The following RNF139 variants were observed in gnomAD, a reference collection of about 807,000 sequenced individuals.
RNF139 encodes the protein E3 ubiquitin-protein ligase RNF139.
In RNF139, 15 loss-of-function variants were observed where a neutral mutation model predicts 49.5. The ratio of observed to expected loss-of-function variants is 0.30; its 90% CI spans 0.20 to 0.47. The LOEUF (loss-of-function observed/expected upper bound fraction) is 0.47. RNF139 is among the 20% of genes least tolerant of loss of function. RNF139 has a pLI of 1.00. For synonymous variants in RNF139, 325 were observed against 300.9 expected (o/e 1.08, Z -0.83); for missense variants, 619 against 806.3 (o/e 0.77, Z 2.81).
At chr8:124,482,353 T>A (rs1019093709) in intron 1 of RNF139, among the ~76,000 whole-genome samples, 1 of 152,164 alleles carries the variant, frequency 6.6e-6, no homozygotes, top group African/African-American at 2.4e-5. Flanking sequence ...CATGAATAGT[T>A]ACTGAAGATT....
Position 124,486,443 on chromosome 8 carries a change from C to T in RNF139, c.794C>T (p.Ser265Phe), listed in dbSNP as rs1563632511. The T allele has an allele frequency of 4.3e-6, 7 of 1,613,986 alleles. No individual in the cohort carries two copies. Among genetic ancestry groups the T allele is most frequent in the Non-Finnish European group, 5.1e-6 (6 of 1,180,008 alleles). Reference sequence around the variant, plus strand: ...TTAAGGATGGCAAATGAAACTGATTCCTTCTTTATTTCTTGGGATGATTTT... The same window carrying T: ...TTAAGGATGGCAAATGAAACTGATTTCTTCTTTATTTCTTGGGATGATTTT... Reference protein sequence around the residue: ...YILRMANETDSFFISWDDFWD... With the variant: ...YILRMANETDFFFISWDDFWD... The change falls in exon 2 of 2, where the codon TCC (serine) becomes TTC (phenylalanine). Residue 265 changes from serine (S) to phenylalanine (F), a missense_variant. Around this residue, in one of 2 missense-constraint regions of RNF139, gnomAD observed 530 missense variants for 728.9 expected, o/e 0.73. Transcript: ENST00000303545.
intron 1 of RNF139, among the ~76,000 whole-genome samples, chr8:124,481,905 C>G (rs1254947831): frequency 6.6e-6 from 1 of 152,062 alleles, no homozygotes; most frequent in Admixed American, 6.5e-5. Flanking sequence ...AGACTTGTTA[C>G]TTAGGATATT....
At chr8:124,478,939 G>C (rs1213230762) in intron 1 of RNF139, among the ~76,000 whole-genome samples, 3 of 151,950 alleles carry the variant, frequency 2.0e-5, no homozygotes, top group Non-Finnish European at 1.5e-5. Context: ...TGGTCAGGCT[G>C]TTCTCCAACT....
intron 1 of RNF139, among the ~76,000 whole-genome samples, chr8:124,478,290 G>GAA (rs796337797): frequency 6.7e-6 from 1 of 149,380 alleles, no homozygotes; most frequent in African/African-American, 2.5e-5. Context: ...TTTTATGGGG[G>GAA]AAAAAAAAAA....
Position 124,475,035 on chromosome 8 carries a change from G to C in RNF139, c.-75G>C. The C allele has an allele frequency of 9.4e-7, 1 of 1,068,752 alleles. No individual in the cohort carries two copies. Among genetic ancestry groups the C allele is most frequent in the Non-Finnish European group, 1.2e-6 (1 of 844,752 alleles). The allele number at this position is 1,068,752 out of a possible 1,614,324, so 66.2% of individuals were successfully genotyped here. A position where few individuals can be genotyped will look rare whatever the true frequency, so the allele number is the denominator to read the frequency against. ...GGCGGAGTTGCCCGCCTTAGCCCCC[G>C]CCCCCGGCCGCGGCCCCGGGCCCTG... On this transcript the variant is annotated 5_prime_UTR_variant, in exon 1 of 2. Coordinates refer to ENST00000303545, the MANE Select transcript of RNF139 (RefSeq NM_007218.4).
intron 1 of RNF139, among the ~76,000 whole-genome samples, chr8:124,477,157 G>A (rs1816327978): frequency 6.6e-6 from 1 of 152,176 alleles, no homozygotes; most frequent in African/African-American, 2.4e-5. Flanking sequence ...AAATATTGGT[G>A]TTGTTTATTT....
In RNF139 at chr8:124,488,589, A is replaced by G. The variant is rs1175631407; in HGVS notation, c.*945A>G. The G allele has an allele frequency of 2.9e-6, 4 of 1,396,360 alleles. No individual in the cohort carries two copies. Among genetic ancestry groups the G allele is most frequent in the South Asian group, 1.2e-5 (1 of 81,050 alleles). The allele number at this position is 1,396,360 out of a possible 1,614,324, so 86.5% of individuals were successfully genotyped here. A position where few individuals can be genotyped will look rare whatever the true frequency, so the allele number is the denominator to read the frequency against. On this transcript the variant is annotated 3_prime_UTR_variant, in exon 2 of 2. Coordinates refer to ENST00000303545, the MANE Select transcript of RNF139 (RefSeq NM_007218.4). ...ACATGATGGAAAGTGGAAGACATAT[A>G]CCAATTATATTCCAGGAAAAAATAC...
intron 1 of RNF139, among the ~76,000 whole-genome samples, chr8:124,482,967 A>AT (rs1816448313): frequency 1.9e-5 from 2 of 107,010 alleles, no homozygotes; most frequent in Non-Finnish European, 3.6e-5. Context: ...TAATATATAT[A>AT]TATTATTTAA....
rs751239898 is a variant in RNF139 at position 124,487,523 on chromosome 8, C to G, written c.1874C>G (p.Ser625Cys). 3.1e-6 allele frequency: 5 copies of G among 1,613,972 alleles called. No homozygotes were observed. Among genetic ancestry groups the G allele is most frequent in the African/African-American group, 2.7e-5 (2 of 74,926 alleles). The change falls in exon 2 of 2, where the codon TCT becomes TGT. Residue 625 changes from serine to cysteine, a missense_variant. Ser to Cys is a moderately radical substitution (Grantham distance 112). This residue lies in a region of RNF139 where 530 missense variants were observed against 728.9 expected (regional missense o/e 0.73). Coordinates refer to ENST00000303545, the MANE Select transcript of RNF139 (RefSeq NM_007218.4). ...EEAVREAAAE[S>C]DRELNEDDST... The stretch of plus-strand genomic sequence containing the variant: ...GCTGTAAGAGAAGCTGCTGCTGAAT[C>G]TGACAGGGAATTGAACGAAGATGAC...
intron 1 of RNF139, among the ~76,000 whole-genome samples, chr8:124,484,573 T>G (rs138306524): frequency 1.2e-4 from 19 of 152,274 alleles, no homozygotes; most frequent in African/African-American, 4.1e-4. Context: ...AAGCTGATTC[T>G]AGTTTAAGGC....
In RNF139 at chr8:124,488,555, A is replaced by C; in HGVS notation, c.*911A>C. ...AACTATCAGGAAGTTTTACTATGAA[A>C]TTTTACATACATGATGGAAAGTGGA... is the stretch of plus-strand genomic sequence containing the variant. On this transcript the variant is annotated 3_prime_UTR_variant, in exon 2 of 2. Coordinates refer to ENST00000303545, the MANE Select transcript of RNF139 (RefSeq NM_007218.4). 1 of 1,121,498 alleles carries C rather than the reference A, an allele frequency of 8.9e-7. No homozygotes were observed. The highest frequency in any genetic ancestry group is 1.3e-6 in the Non-Finnish European group (1 of 762,864). 69.5% of individuals were successfully genotyped at this position (1,121,498 alleles called of 1,614,324 possible).
In RNF139 at chr8:124,486,597, T is replaced by C; in HGVS notation, c.948T>C (p.Thr316=). 6.2e-7 allele frequency: 1 copy of C among 1,614,184 alleles called. No homozygotes were observed. Among genetic ancestry groups the C allele is most frequent in the Non-Finnish European group, 8.5e-7 (1 of 1,180,032 alleles). ...GAATATTGGCCTTTATTGGATCAAC[T>C]GAGGAAGATGACAGGCGTCTTGGCT... ...GLGILAFIGS[T]EEDDRRLGFV... The change falls in exon 2 of 2, where the codon ACT becomes ACC. Residue 316 remains threonine, a synonymous_variant. Coordinates refer to ENST00000303545, the MANE Select transcript of RNF139 (RefSeq NM_007218.4).
intron 1 of RNF139, among the ~76,000 whole-genome samples, chr8:124,478,252 GTATT>G (rs959374265): frequency 4.6e-5 from 7 of 151,976 alleles, no homozygotes; most frequent in Admixed American, 2.6e-4. Context: ...AAGAGAAAAA[GTATT>G]TAGCCCTTCC....
intron 1 of RNF139, among the ~76,000 whole-genome samples, chr8:124,484,147 A>C (rs1816493895): frequency 6.6e-6 from 1 of 152,186 alleles, no homozygotes; most frequent in African/African-American, 2.4e-5. Flanking sequence ...ACATCATTCC[A>C]AGCAAAAAGA....
At chr8:124,484,524 A>G (rs1364187879) in intron 1 of RNF139, among the ~76,000 whole-genome samples, 1 of 152,142 alleles carries the variant, frequency 6.6e-6, no homozygotes, top group Non-Finnish European at 1.5e-5. Context: ...TAAAAGAACA[A>G]TAATGGTACC....
At chr8:124,485,761 T>C in intron 1 of RNF139, 70 bp from the exon 2 acceptor site, 1 of 1,273,044 alleles carries the variant, frequency 7.9e-7, no homozygotes, top group South Asian at 1.5e-5. Context: ...AGGAAGAATA[T>C]CATAACTCTT....
intron 1 of RNF139, among the ~76,000 whole-genome samples, chr8:124,482,862 G>T (rs1187775648): frequency 1.4e-5 from 2 of 144,806 alleles, no homozygotes; most frequent in African/African-American, 5.2e-5. Flanking sequence ...GGAGGCAGAG[G>T]TTGCAGTGAG....
At position 124,486,288 on chromosome 8, in the gene RNF139, G is replaced by A; in HGVS notation, c.639G>A (p.Arg213=). Residue 213 remains arginine, a synonymous_variant, in exon 2 of 2, where the codon AGG becomes AGA. Transcript: ENST00000303545. ...YSTRYVYLLV[R]HMYRIYGLQL... ...CACGATATGTTTATCTTTTGGTGAG[G>A]CACATGTATCGAATTTACGGATTAC... is the stretch of plus-strand genomic sequence containing the variant. 6.2e-7 allele frequency: 1 copy of A among 1,614,070 alleles called. No individual in the cohort carries two copies. The highest frequency in any genetic ancestry group is 8.5e-7 in the Non-Finnish European group (1 of 1,179,996).
Position 124,477,599 on chromosome 8 carries a change from A to G in RNF139, c.181+2309A>G, listed in dbSNP as rs563008694. Among the ~76,000 whole-genome samples, 499 of 152,350 alleles carry G rather than the reference A, an allele frequency of 3.3e-3. 3 individuals are homozygous for G. Among genetic ancestry groups the G allele is most frequent in the South Asian group, 7.7e-3 (37 of 4,830 alleles). The stretch of plus-strand genomic sequence containing the variant: ...GGTGCTACAACTGTACCTTCATTTG[A>G]TATCAAACTAATTTGAGATTTCAAC... On this transcript the variant is annotated intron_variant, in intron 1 of 1. Coordinates refer to ENST00000303545, the MANE Select transcript of RNF139 (RefSeq NM_007218.4).
Sources: gnomAD v4.1 joint callset for allele counts (sites outside exome capture counted in the v4.1 genomes callset) on GRCh38, gnomAD v4.1.1 for gene constraint, gnomAD v4.1.1 regional missense constraint, MANE v1.5 for transcripts, NCBI Gene and HGNC (gene_info 2026-07-23, HGNC 2026-07-21) for gene names.